Variants in PLCH1 observed in about 807,000 individuals in gnomAD.
PLCH1 encodes phospholipase C eta 1.
In PLCH1, 60 loss-of-function variants were observed where a neutral mutation model predicts 126.7. The ratio of observed to expected loss-of-function variants is 0.47; its 90% confidence interval spans 0.38 to 0.59. The LOEUF (loss-of-function observed/expected upper bound fraction) is 0.59, where lower values mean the gene tolerates loss of function less well. PLCH1 is among the 20% of genes least tolerant of loss of function. PLCH1 has a pLI of 0.00. For synonymous variants in PLCH1, 719 were observed against 734.9 expected, an observed-to-expected ratio of 0.98 and a Z score of 0.35; for missense variants, 1,723 against 2,040.0, an observed-to-expected ratio of 0.84 and a Z score of 2.99.
chr3:155,694,488 T>C (rs392521), intron 2 of PLCH1, among the ~76,000 whole-genome samples: 60,625 of 152,022 alleles, frequency 0.4, 12,848 homozygotes, highest in African/African-American at 0.53. Flanking sequence ...ATTGGCACAA[T>C]TTTAAAGAAT....
intron 1 of PLCH1, among the ~76,000 whole-genome samples, chr3:155,737,104 C>T (rs556814359): frequency 7.0e-4 from 106 of 151,250 alleles, no homozygotes; most frequent in Non-Finnish European, 1.2e-3. Context: ...TGGTGGCGCA[C>T]GTCTGTAGTC....
Position 155,606,180 on chromosome 3 carries a change from AG to A in PLCH1, c.80-9803del, listed in dbSNP as rs1422375583. On this transcript the variant is annotated intron_variant, in intron 2 of 22. Transcript: ENST00000460012. ...TGAATCTTGTTTTTTGAGGAAAAAA[AG>A]TTTTCTTCTCAGTCCATTGAATTGT... is the stretch of plus-strand genomic sequence containing the variant. Among the ~76,000 whole-genome samples the A allele has an allele frequency of 1.3e-4, 20 of 152,220 alleles. No homozygotes were observed. In the East Asian group the frequency reaches 3.7e-3, roughly 28 times the overall value.
rs182508263 is a variant in PLCH1, at chr3:155,547,922, G to A, written c.1362+1865C>T. On this transcript the variant is annotated intron_variant, in intron 10 of 22. Coordinates refer to ENST00000460012, the MANE Select transcript of PLCH1 (RefSeq NM_014996.4). ...GGGGAGGGGGGAGGGATAGCTTTAG[G>A]AGATATACCTAATGCTAAATGACGA... Among the ~76,000 whole-genome samples, 694 of 149,948 alleles carry A rather than the reference G, an allele frequency of 4.6e-3. 2 individuals carry two copies. The highest frequency in any genetic ancestry group is 7.5e-3 in the Non-Finnish European group (508 of 67,486).
At chr3:155,532,207 G>A (rs532165958) in intron 10 of PLCH1, among the ~76,000 whole-genome samples, 248 of 152,256 alleles carry the variant, frequency 1.6e-3, no homozygotes, top group African/African-American at 5.6e-3. Flanking sequence ...GCTCCCACTC[G>A]GACAATGGAA....
intron 10 of PLCH1, among the ~76,000 whole-genome samples, chr3:155,534,568 G>A (rs1043704386): frequency 6.6e-6 from 1 of 152,122 alleles, no homozygotes; most frequent in African/African-American, 2.4e-5. Flanking sequence ...AAGACTTTGG[G>A]GGACTGTTGG....
At chr3:155,519,365 A>C (rs1720765373) in intron 11 of PLCH1, among the ~76,000 whole-genome samples, 1 of 152,226 alleles carries the variant, frequency 6.6e-6, no homozygotes, top group Admixed American at 6.5e-5. Flanking sequence ...CAGGGTTCTC[A>C]ATTCCCTTTT....
Position 155,731,087 on chromosome 3 carries a change from T to G in PLCH1, c.-41+13753A>C, listed in dbSNP as rs555601032. 4.6e-5 allele frequency among the ~76,000 whole-genome samples: 7 copies of G among 152,262 alleles called. No homozygotes were observed. In the South Asian group the frequency reaches 1.5e-3, roughly 32 times the overall value. On this transcript the variant is annotated intron_variant, in intron 1 of 22. Transcript: ENST00000460012. ...CTCCAGGTTTGCTCCATTGCCAGGTTTACCTCAAAGGCCACAGACTCCAGG... is the reference window on the plus strand; with the variant it reads ...CTCCAGGTTTGCTCCATTGCCAGGTGTACCTCAAAGGCCACAGACTCCAGG...
intron 21 of PLCH1, among the ~76,000 whole-genome samples, chr3:155,469,835 G>C (rs1396426376): frequency 6.6e-6 from 1 of 152,094 alleles, no homozygotes; most frequent in Non-Finnish European, 1.5e-5. Flanking sequence ...TCACACGGCA[G>C]GGTATTCCAA....
intron 2 of PLCH1, among the ~76,000 whole-genome samples, chr3:155,613,505 A>G (rs573224575): frequency 4.3e-4 from 65 of 152,346 alleles, no homozygotes; most frequent in Non-Finnish European, 8.4e-4. Flanking sequence ...AACACACACA[A>G]GTCAATAAAT....
Position 155,589,295 on chromosome 3 carries a change from TACAGATATAAATGA to T in PLCH1, c.471-3115_471-3102del, listed in dbSNP as rs1267098227. On this transcript the variant is annotated intron_variant, in intron 4 of 22. Transcript: ENST00000460012. ...TGTCACTGTTATGAGAAAGCAGCCATACAGATATAAATGAATGAACACGGTTGTGTTCCAATAAA... is the reference window on the plus strand; with the variant it reads ...TGTCACTGTTATGAGAAAGCAGCCATATGAACACGGTTGTGTTCCAATAAA... Among the ~76,000 whole-genome samples the T allele has an allele frequency of 2.0e-5, 3 of 152,116 alleles. No homozygotes were observed. The East Asian group carries it at 5.8e-4, about 29-fold the overall frequency.
intron 2 of PLCH1, among the ~76,000 whole-genome samples, chr3:155,654,397 C>T (rs1741124009): frequency 6.6e-6 from 1 of 152,042 alleles, no homozygotes; most frequent in Admixed American, 6.5e-5. Flanking sequence ...AAGCTACAAC[C>T]TCTCTCCTGA....
intron 2 of PLCH1, among the ~76,000 whole-genome samples, 166 bp downstream of exon 2, chr3:155,703,980 T>C (rs372086611): frequency 1.3e-5 from 2 of 152,200 alleles, no homozygotes; most frequent in Non-Finnish European, 2.9e-5. Flanking sequence ...CAAGTGGAGA[T>C]AGTAAGTGCA....
chr3:155,693,732 C>A (rs1446065406), intron 2 of PLCH1, among the ~76,000 whole-genome samples: 1 of 152,074 alleles, frequency 6.6e-6, no homozygotes, highest in Non-Finnish European at 1.5e-5. Flanking sequence ...GAGTTCGAGA[C>A]CAGCCTGGTC....
At chr3:155,467,881 A>T (rs1490946128) in intron 21 of PLCH1, among the ~76,000 whole-genome samples, 1 of 152,236 alleles carries the variant, frequency 6.6e-6, no homozygotes, top group Admixed American at 6.5e-5. Context: ...AGAAAAGGAC[A>T]TTAATGAGAA....
chr3:155,616,809 T>C (rs1323835187), intron 2 of PLCH1, among the ~76,000 whole-genome samples: 1 of 152,152 alleles, frequency 6.6e-6, no homozygotes, highest in East Asian at 1.9e-4. Context: ...TTAATCACTT[T>C]GGCTAAATAA....
At chr3:155,655,167 G>A (rs950940362) in intron 2 of PLCH1, among the ~76,000 whole-genome samples, 6 of 152,138 alleles carry the variant, frequency 3.9e-5, no homozygotes, top group Non-Finnish European at 8.8e-5. Context: ...TAGGTGTGGT[G>A]GCTCATGCCT....
intron 2 of PLCH1, among the ~76,000 whole-genome samples, chr3:155,624,524 C>T (rs1033064829): frequency 5.9e-5 from 9 of 152,176 alleles, no homozygotes; most frequent in African/African-American, 2.2e-4. Flanking sequence ...CCAAAATCTC[C>T]TTAAGCTGAT....
chr3:155,631,156 C>G (rs944298448), intron 2 of PLCH1, among the ~76,000 whole-genome samples: 3 of 152,110 alleles, frequency 2.0e-5, no homozygotes, highest in African/African-American at 7.2e-5. Context: ...ATTAAGGGAA[C>G]AAAATTCTCG....
chr3:155,501,486 A>G (rs1576840419), intron 13 of PLCH1, among the ~76,000 whole-genome samples: 1 of 152,142 alleles, frequency 6.6e-6, no homozygotes, highest in Non-Finnish European at 1.5e-5. Context: ...TTTAGGCAAC[A>G]CAGACCTCAA....
Sources: allele counts gnomAD v4.1 joint callset (sites outside exome capture counted in the v4.1 genomes callset), GRCh38; gene constraint gnomAD v4.1.1; transcripts MANE v1.5; gene names NCBI Gene and HGNC (gene_info 2026-07-23, HGNC 2026-07-21).